SYN3: variants seen among roughly 807,000 people sequenced by gnomAD.
The protein encoded by SYN3 is synapsin III.
In SYN3, 35 loss-of-function variants were observed where a neutral mutation model predicts 65.8. The ratio of observed to expected loss-of-function variants is 0.53; its 90% CI spans 0.41 to 0.70. The LOEUF is 0.70. SYN3 is among the 30% of genes least tolerant of loss of function. The pLI is 0.00. For synonymous variants in SYN3, 270 were observed against 292.9 expected, an observed-to-expected ratio of 0.92 and a Z score of 0.80; for missense variants, 680 against 749.0, an observed-to-expected ratio of 0.91 and a Z score of 1.08.
At chr22:32,530,898 C>T (rs532127613) in intron 10 of SYN3, among the ~76,000 whole-genome samples, 5 of 151,670 alleles carry the variant, frequency 3.3e-5, no homozygotes, top group South Asian at 2.1e-4. Context: ...CCCAGCTACT[C>T]GGGAGGCTGA....
intron 6 of SYN3, among the ~76,000 whole-genome samples, chr22:32,833,314 A>C (rs1291682921): frequency 6.6e-6 from 1 of 152,190 alleles, no homozygotes; most frequent in African/African-American, 2.4e-5. Context: ...TATCCTGGAG[A>C]TGATTTGGGA....
intron 6 of SYN3, among the ~76,000 whole-genome samples, chr22:32,600,493 C>T (rs2059266371): frequency 6.6e-6 from 1 of 152,144 alleles, no homozygotes. Context: ...GGGACCCCTG[C>T]TCCAGAGGAA....
chr22:32,629,730 C>T (rs368564698), intron 6 of SYN3: 4 of 152,218 alleles, frequency 2.6e-5, no homozygotes, highest in East Asian at 1.9e-4. Context: ...CAGTATAAGT[C>T]ACCTCCTTCA....
At chr22:32,726,139 G>T (rs1341071204) in intron 6 of SYN3, among the ~76,000 whole-genome samples, 1 of 128,698 alleles carries the variant, frequency 7.8e-6, no homozygotes, top group Non-Finnish European at 1.6e-5. Context: ...TAGTAATCCA[G>T]TATAGATTTT....
Position 33,006,482 on chromosome 22 carries a change from TA to T in SYN3, c.180del (p.Phe60LeufsTer8). ...TGCTTCATGGCACTGGAGAGGGAGCTAAAAAGGCTGGATCCTGGAGAGGAGA... is the reference window on the plus strand; with the variant it reads ...TGCTTCATGGCACTGGAGAGGGAGCTAAAAGGCTGGATCCTGGAGAGGAGA... The part of the protein sequence containing the change: ...ASFSSPGSSL[F>X]SSLSSAMKQA... On this transcript the variant is annotated frameshift_variant, in exon 2 of 14. Coordinates refer to ENST00000358763, the MANE Select transcript of SYN3 (RefSeq NM_003490.4). LOFTEE classifies it high-confidence loss of function. 1.9e-6 allele frequency: 3 copies of T among 1,614,052 alleles called. No homozygotes were observed. Among genetic ancestry groups the T allele is most frequent in the Non-Finnish European group, 2.5e-6 (3 of 1,180,004 alleles).
intron 10 of SYN3, among the ~76,000 whole-genome samples, chr22:32,530,713 T>G (rs896771838): frequency 6.6e-6 from 1 of 151,954 alleles, no homozygotes; most frequent in Non-Finnish European, 1.5e-5. Flanking sequence ...AGCTTAAGAA[T>G]GTGAATACTG....
At chr22:32,602,752 G>T (rs962032579) in intron 6 of SYN3, among the ~76,000 whole-genome samples, 1 of 152,124 alleles carries the variant, frequency 6.6e-6, no homozygotes, top group Non-Finnish European at 1.5e-5. Flanking sequence ...CAGCTACCGC[G>T]CCCAGCCAAT....
rs1220082552 is a variant in SYN3 at position 32,511,398 on chromosome 22, T to G, written c.*2294A>C. Reference sequence around the variant, plus strand: ...CAATGATGCCTGCAAAGCAGCAGCTTCATGTGTCTGACTGCCCACTGCATC... The same window carrying G: ...CAATGATGCCTGCAAAGCAGCAGCTGCATGTGTCTGACTGCCCACTGCATC... On this transcript the variant is annotated 3_prime_UTR_variant, in exon 14 of 14. Transcript: ENST00000358763. Among the ~76,000 whole-genome samples the G allele has an allele frequency of 6.6e-6, 1 of 152,184 alleles. No homozygotes were observed. The highest frequency in any genetic ancestry group is 1.5e-5 in the Non-Finnish European group (1 of 68,034).
chr22:32,983,030 AT>A (rs2052415907), intron 2 of SYN3, among the ~76,000 whole-genome samples: 1 of 152,172 alleles, frequency 6.6e-6, no homozygotes, highest in African/African-American at 2.4e-5. Context: ...ATAGGTTTGG[AT>A]ATCGTCTCAC....
intron 1 of SYN3, among the ~76,000 whole-genome samples, chr22:33,050,634 TCTCAAAACCA>T (rs2054150340): frequency 6.6e-6 from 1 of 152,072 alleles, no homozygotes; most frequent in African/African-American, 2.4e-5. Flanking sequence ...AGCTAGTTTA[TCTCAAAACCA>T]GCACATGACT....
At chr22:32,778,204 C>T (rs2045952474) in intron 6 of SYN3, among the ~76,000 whole-genome samples, 1 of 152,212 alleles carries the variant, frequency 6.6e-6, no homozygotes, top group African/African-American at 2.4e-5. Flanking sequence ...ACATTAACTT[C>T]TCAGTTTTCA....
At position 32,518,342 on chromosome 22, in the gene SYN3, G is replaced by A. The variant is rs967125617; in HGVS notation, c.1319-8C>T. ...GAGCTTGGCGAGGGCCTCCTAAGGG[G>A]CCAGAAAAAAAAAGGTTCAGTTCAA... is the stretch of plus-strand genomic sequence containing the variant. On this transcript the variant is annotated splice_region_variant and splice_polypyrimidine_tract_variant and intron_variant, in intron 12 of 13. Transcript: ENST00000358763. The A allele has an allele frequency of 1.9e-6, 3 of 1,608,780 alleles. No individual in the cohort carries two copies. Among genetic ancestry groups the A allele is most frequent in the African/African-American group, 1.3e-5 (1 of 74,580 alleles).
At chr22:33,020,192 T>C (rs1315410620) in intron 1 of SYN3, among the ~76,000 whole-genome samples, 1 of 152,202 alleles carries the variant, frequency 6.6e-6, no homozygotes. Flanking sequence ...AAGTATTCAG[T>C]TGAATAGTTA....
intron 6 of SYN3, among the ~76,000 whole-genome samples, chr22:32,710,538 C>T (rs992350830): frequency 2.0e-5 from 3 of 149,786 alleles, no homozygotes; most frequent in African/African-American, 2.5e-5. Flanking sequence ...GAGGCTGAGG[C>T]GGGAGAACTG....
In SYN3 at chr22:32,513,626, A is replaced by G. The variant is rs1266554828; in HGVS notation, c.*66T>C. The G allele has an allele frequency of 6.3e-7, 1 of 1,584,554 alleles. No homozygotes were observed. Among genetic ancestry groups the G allele is most frequent in the African/African-American group, 1.3e-5 (1 of 74,440 alleles). Reference sequence around the variant, plus strand: ...GTTCCCATCAGGAACCAAGGCTGAGAAGGAAGATGAGGCAGGAGGGGGACG... The same window carrying G: ...GTTCCCATCAGGAACCAAGGCTGAGGAGGAAGATGAGGCAGGAGGGGGACG... On this transcript the variant is annotated 3_prime_UTR_variant, in exon 14 of 14. Coordinates refer to ENST00000358763, the MANE Select transcript of SYN3 (RefSeq NM_003490.4).
chr22:32,757,364 C>A (rs545091338), intron 6 of SYN3, among the ~76,000 whole-genome samples: 147 of 146,216 alleles, frequency 1.0e-3, no homozygotes, highest in Non-Finnish European at 1.9e-3. Context: ...ATGGCGCAAT[C>A]TCGGCTCACC....
chr22:32,670,502 A>G (rs1363855697), intron 6 of SYN3, among the ~76,000 whole-genome samples: 1 of 152,224 alleles, frequency 6.6e-6, no homozygotes, highest in Non-Finnish European at 1.5e-5. Context: ...AAAGCTGGAA[A>G]GAGGGATCCT....
intron 6 of SYN3, among the ~76,000 whole-genome samples, chr22:32,782,113 G>C (rs2046081414): frequency 6.6e-6 from 1 of 151,624 alleles, no homozygotes; most frequent in South Asian, 2.1e-4. Flanking sequence ...TTGTCGCCCA[G>C]GCTGGAGTGC....
chr22:32,826,660 CT>C (rs2146098878), intron 6 of SYN3, among the ~76,000 whole-genome samples: 1 of 152,282 alleles, frequency 6.6e-6, no homozygotes, highest in East Asian at 1.9e-4. Context: ...TGACTATTCT[CT>C]TCTCTGAACT....
Sources: gnomAD v4.1 joint callset for allele counts (sites outside exome capture counted in the v4.1 genomes callset) on GRCh38, gnomAD v4.1.1 for gene constraint, MANE v1.5 for transcripts, NCBI Gene and HGNC (gene_info 2026-07-23, HGNC 2026-07-21) for gene names.